TASOR2: variants seen among roughly 807,000 people sequenced by gnomAD.
TASOR2 encodes transcription activation suppressor family member 2.
In TASOR2, 84 loss-of-function variants were observed where a neutral mutation model predicts 199.5. The observed-to-expected ratio is 0.42, with a 90% CI of 0.35 to 0.50. The LOEUF (loss-of-function observed/expected upper bound fraction) is 0.50, where lower values mean the gene tolerates loss of function less well. Ranked by LOEUF, TASOR2 falls within the 20% of genes least tolerant of loss-of-function variation. The pLI, the probability that TASOR2 is intolerant of heterozygous loss-of-function variation, is 0.02. For missense variants in TASOR2, 2,796 were observed against 2,835.9 expected (o/e 0.99, Z 0.32); for synonymous variants, 1,103 against 1,046.6 (o/e 1.05, Z -1.04).
rs1256075111 is a variant in TASOR2, at chr10:5,722,910, A to C, written c.147-767A>C. On this transcript the variant is annotated intron_variant, in intron 6 of 20. Transcript: ENST00000328090. This position sits in a 1 kb window ranked among gnomAD's most constrained non-coding sequence, Gnocchi z 4.0. The stretch of plus-strand genomic sequence containing the variant: ...GTAATCCCAGCTATTCGGGAGGCTG[A>C]GGCAGGGTAATCACTTGAACCCGGG... Among the ~76,000 whole-genome samples, 1 of 151,484 alleles carries C rather than the reference A, an allele frequency of 6.6e-6. No homozygotes were observed. The highest frequency in any genetic ancestry group is 1.5e-5 in the Non-Finnish European group (1 of 67,878).
intron 1 of TASOR2, among the ~76,000 whole-genome samples, chr10:5,686,980 C>G (rs555220435): frequency 7.2e-5 from 11 of 152,208 alleles, no homozygotes; most frequent in Non-Finnish European, 1.0e-4. Flanking sequence ...TATAGAAAAT[C>G]TTGGGATATT....
chr10:5,739,923 C>G, exon 13 of TASOR2: 2 of 1,614,124 alleles, frequency 1.2e-6, no homozygotes, highest in Non-Finnish European at 1.7e-6. Context: ...CCATGAATAT[C>G]ATAGAGGAGT....
chr10:5,727,489 T>C (rs1834196458), intron 10 of TASOR2, among the ~76,000 whole-genome samples: 1 of 152,202 alleles, frequency 6.6e-6, no homozygotes, highest in South Asian at 2.1e-4. Flanking sequence ...GTTAGTCCTT[T>C]TCATATCAAG....
rs764552876 is a variant in TASOR2 at position 5,750,018 on chromosome 10, A to C, written c.6597A>C (p.Val2199=). ...AAACAGAAGACAAATCATTCTTTGT[A>C]AGAACAAAGGTAAAGTGCCAGCCAC... Residue 2199 remains valine, a synonymous_variant, in exon 15 of 21, where the codon GTA becomes GTC. Coordinates refer to ENST00000328090, the Ensembl canonical transcript of TASOR2. This position sits in a 1 kb window ranked among gnomAD's most constrained non-coding sequence, Gnocchi z 5.4. 1.9e-6 allele frequency: 3 copies of C among 1,596,788 alleles called. No homozygotes were observed. The highest frequency in any genetic ancestry group is 2.6e-6 in the Non-Finnish European group (3 of 1,171,172).
At chr10:5,744,231 C>A (rs1289281858) in intron 14 of TASOR2, among the ~76,000 whole-genome samples, 3 of 152,190 alleles carry the variant, frequency 2.0e-5, no homozygotes, top group Non-Finnish European at 4.4e-5. Flanking sequence ...ACTCTCAAGA[C>A]TTTTCTAATA....
Position 5,687,800 on chromosome 10 carries a change from A to C in TASOR2, c.-288+2625A>C, listed in dbSNP as rs1164631998. ...GTCACTCTACGGCAGCCTGGGTGAC[A>C]GAGTGAGACTCCGTCTCAAAAGACT... On this transcript the variant is annotated intron_variant, in intron 1 of 20. Transcript: ENST00000328090. The surrounding 1 kb of genome is among the most constrained non-coding windows in gnomAD (Gnocchi z 4.8). Among the ~76,000 whole-genome samples, 1 of 152,388 alleles carries C rather than the reference A, an allele frequency of 6.6e-6. No individual in the cohort carries two copies. Among genetic ancestry groups the C allele is most frequent in the South Asian group, 2.1e-4 (1 of 4,830 alleles).
rs1241626316 is a variant in TASOR2, at chr10:5,730,583, T to C, written c.584T>C (p.Leu195Pro). 2 of 1,614,190 alleles carry C rather than the reference T, an allele frequency of 1.2e-6. No individual in the cohort carries two copies. Among genetic ancestry groups the C allele is most frequent in the South Asian group, 2.2e-5 (2 of 91,080 alleles). The change falls in exon 11 of 21, where the codon CTT becomes CCT. Residue 195 changes from leucine to proline, a missense_variant. By Grantham distance (98) the Leu-to-Pro change is moderately conservative. Coordinates refer to ENST00000328090, the Ensembl canonical transcript of TASOR2. The surrounding 1 kb of genome is among the most constrained non-coding windows in gnomAD (Gnocchi z 4.1). ...GCCCTGCTAGAAACAAAGAAATCACTTCCTGAAGAAAGAATCCATCCAAAC... is the reference window on the plus strand; with the variant it reads ...GCCCTGCTAGAAACAAAGAAATCACCTCCTGAAGAAAGAATCCATCCAAAC...
At chr10:5,694,096 A>G (rs1218628724) in intron 1 of TASOR2, among the ~76,000 whole-genome samples, 1 of 152,204 alleles carries the variant, frequency 6.6e-6, no homozygotes, top group African/African-American at 2.4e-5. Context: ...ATGGGGAGAA[A>G]AAAAAAAGAA....
rs960832972 is a variant in TASOR2 at position 5,685,026 on chromosome 10, C to T, written c.-437C>T. ...ACGGCGTGCCCCTGAGGGGGGTCCCCGCGGGAGCGCGGAGCCGGCGACTGG... is the reference window on the plus strand; with the variant it reads ...ACGGCGTGCCCCTGAGGGGGGTCCCTGCGGGAGCGCGGAGCCGGCGACTGG... On this transcript the variant is annotated 5_prime_UTR_variant, in exon 1 of 21. Coordinates refer to ENST00000328090, the Ensembl canonical transcript of TASOR2. The surrounding 1 kb of genome is among the most constrained non-coding windows in gnomAD (Gnocchi z 5.4). 1.5e-5 allele frequency: 6 copies of T among 397,762 alleles called. No homozygotes were observed. In the East Asian group the frequency reaches 2.1e-4, roughly 14 times the overall value. The allele number at this position is 397,762 out of a possible 1,614,324, so 24.6% of individuals were successfully genotyped here.
At chr10:5,749,551 G>A in exon 15 of TASOR2, 1 of 1,614,130 alleles carries the variant, frequency 6.2e-7, no homozygotes, top group South Asian at 1.1e-5. Context: ...GGTAACAGTT[G>A]TGGAGTCAGA....
intron 12 of TASOR2, among the ~76,000 whole-genome samples, chr10:5,739,059 C>T (rs1021303967): frequency 1.3e-5 from 2 of 152,202 alleles, no homozygotes; most frequent in Admixed American, 1.3e-4. Flanking sequence ...ATTTCTATCA[C>T]ATCATGTAAT....
chr10:5,746,851 G>C, exon 15 of TASOR2: 2 of 1,614,176 alleles, frequency 1.2e-6, no homozygotes, highest in African/African-American at 1.3e-5. Context: ...ATTACAGAAG[G>C]AGACGCCCCT....
chr10:5,735,134 CT>C (rs920922160), intron 11 of TASOR2, among the ~76,000 whole-genome samples, 169 bp from the exon 13 acceptor site: 5 of 152,002 alleles, frequency 3.3e-5, no homozygotes, highest in African/African-American at 1.2e-4. Context: ...GAATGTTTAA[CT>C]TTTGATTTGT....
In TASOR2 at chr10:5,748,153, C is replaced by T. The variant is rs17143175; in HGVS notation, c.4732C>T (p.Pro1578Ser). 3.5e-4 allele frequency: 562 copies of T among 1,614,150 alleles called. 8 individuals carry two copies. The East Asian group carries it at 0.012, about 35-fold the overall frequency. ...GGAGTCCAGTGAACCTCCATTTGGT[C>T]CTAGAAATGTTATTGAAAATAAGTC... The change falls in exon 15 of 21, where the codon CCT (proline) becomes TCT (serine). Residue 1578 changes from proline to serine, a missense_variant. Physicochemically the swap from Pro to Ser is moderately conservative, Grantham distance 74 (BLOSUM62 -1). This residue lies in a region of TASOR2 where 1,941 missense variants were observed against 1,924.9 expected (regional missense o/e 1.01). Coordinates refer to ENST00000328090, the Ensembl canonical transcript of TASOR2. The surrounding 1 kb of genome is among the most constrained non-coding windows in gnomAD (Gnocchi z 5.1).
In TASOR2 at chr10:5,727,043, G is replaced by C; in HGVS notation, c.425-18G>C. The stretch of plus-strand genomic sequence containing the variant: ...TCAACAACCTAACTTTTCTTCTTCT[G>C]ATTCTCATTCTGCATAGATTTTGGA... On this transcript the variant is annotated intron_variant, in intron 9 of 20. Coordinates refer to ENST00000328090, the Ensembl canonical transcript of TASOR2. The C allele has an allele frequency of 6.2e-7, 1 of 1,613,936 alleles. No homozygotes were observed. The highest frequency in any genetic ancestry group is 8.5e-7 in the Non-Finnish European group (1 of 1,179,952).
Position 5,689,335 on chromosome 10 carries a change from C to A in TASOR2, c.-288+4160C>A, listed in dbSNP as rs1836160986. On this transcript the variant is annotated intron_variant, in intron 1 of 20. Transcript: ENST00000328090. The surrounding 1 kb of genome is among the most constrained non-coding windows in gnomAD (Gnocchi z 4.1). ...TGTATGTATTGGCCGGGTGCGGTGG[C>A]TCACGCCTGTAATCCCAGCACTTTG... is the stretch of plus-strand genomic sequence containing the variant. Among the ~76,000 whole-genome samples, 1 of 152,138 alleles carries A rather than the reference C, an allele frequency of 6.6e-6. No homozygotes were observed. The highest frequency in any genetic ancestry group is 2.1e-4 in the South Asian group (1 of 4,822).
Position 5,762,526 on chromosome 10 carries a change from T to TTTTTTTAA in TASOR2, c.7175-6_7175-5insTTTTTTAA. ...ACCAAAAGTTGTTTTTTTTTTTTTT[T>TTTTTTTAA]AACAGACAAGCCTACTATCCCCAGA... is the stretch of plus-strand genomic sequence containing the variant. On this transcript the variant is annotated splice_region_variant and splice_polypyrimidine_tract_variant and intron_variant, in intron 19 of 20. Coordinates refer to ENST00000328090, the Ensembl canonical transcript of TASOR2. The TTTTTTTAA allele has an allele frequency of 1.4e-5, 10 of 699,648 alleles. No homozygotes were observed. Among genetic ancestry groups the TTTTTTTAA allele is most frequent in the Non-Finnish European group, 2.0e-5 (9 of 449,614 alleles). 43.3% of individuals were successfully genotyped at this position (699,648 alleles called of 1,614,324 possible).
chr10:5,698,627 TA>T lies in TASOR2; in HGVS notation c.-288+13453del, dbSNP rs1381951900. Among the ~76,000 whole-genome samples the T allele has an allele frequency of 2.0e-5, 3 of 152,186 alleles. No individual in the cohort carries two copies. The highest frequency in any genetic ancestry group is 7.2e-5 in the African/African-American group (3 of 41,446). On this transcript the variant is annotated intron_variant, in intron 1 of 20. Coordinates refer to ENST00000328090, the Ensembl canonical transcript of TASOR2. This position sits in a 1 kb window ranked among gnomAD's most constrained non-coding sequence, Gnocchi z 4.4. ...ATTTTCTATGGCTGTTTTTATGCTC[TA>T]CCGGTAGAGATGAGTAGTTGTGACA...
chr10:5,699,793 CAGG>C lies in TASOR2; in HGVS notation c.-287-13027_-287-13025del. 1.1e-6 allele frequency: 1 copy of C among 882,978 alleles called. No individual in the cohort carries two copies. The highest frequency in any genetic ancestry group is 1.4e-6 in the Non-Finnish European group (1 of 736,922). The allele number at this position is 882,978 out of a possible 1,614,324, so 54.7% of individuals were successfully genotyped here. A position where few individuals can be genotyped will look rare whatever the true frequency, so the allele number is the denominator to read the frequency against. On this transcript the variant is annotated intron_variant, in intron 1 of 20. Coordinates refer to ENST00000328090, the Ensembl canonical transcript of TASOR2. The surrounding 1 kb of genome is among the most constrained non-coding windows in gnomAD (Gnocchi z 4.1). ...GCAAAGAAAGAAAACAAAAGATAGACAGGAGAAAAATGAGTAAAACAGGTACAC... is the reference window on the plus strand; with the variant it reads ...GCAAAGAAAGAAAACAAAAGATAGACAGAAAAATGAGTAAAACAGGTACAC...
Sources: allele counts gnomAD v4.1 joint callset (sites outside exome capture counted in the v4.1 genomes callset), GRCh38; gene constraint gnomAD v4.1.1; regional missense constraint gnomAD v4.1.1; non-coding constraint Gnocchi (gnomAD v3.1); transcripts MANE v1.5; gene names NCBI Gene and HGNC (gene_info 2026-07-23, HGNC 2026-07-21).